Variants in COL19A1 observed in about 807,000 individuals in gnomAD.
COL19A1 encodes the protein collagen alpha-1(XIX) chain.
In COL19A1, 159 loss-of-function variants were observed where a neutral mutation model predicts 190.2. The ratio of observed to expected loss-of-function variants is 0.84; its 90% CI spans 0.73 to 0.95. The LOEUF (loss-of-function observed/expected upper bound fraction) is 0.95, where lower values mean the gene tolerates loss of function less well. COL19A1 is among the 40% of genes least tolerant of loss of function. The pLI, the probability that COL19A1 is intolerant of heterozygous loss-of-function variation, is 0.00. For synonymous variants in COL19A1, 509 were observed against 458.9 expected (o/e 1.11, Z -1.39); for missense variants, 1,418 against 1,431.9 (o/e 0.99, Z 0.16).
At chr6:69,892,552 T>C (rs1769426880) in intron 2 of COL19A1, among the ~76,000 whole-genome samples, 2 of 152,222 alleles carry the variant, frequency 1.3e-5, no homozygotes, top group Non-Finnish European at 2.9e-5. Flanking sequence ...CATAGGTTTT[T>C]TGGATTGGCT....
chr6:70,120,232 A>G (rs1244398717), intron 16 of COL19A1, among the ~76,000 whole-genome samples: 3 of 152,358 alleles, frequency 2.0e-5, no homozygotes, highest in South Asian at 4.1e-4. Context: ...TTGAATATGT[A>G]TGAAGTTAAA....
intron 9 of COL19A1, among the ~76,000 whole-genome samples, chr6:69,948,073 G>A (rs1375941141): frequency 6.6e-6 from 1 of 151,734 alleles, no homozygotes; most frequent in African/African-American, 2.4e-5. Flanking sequence ...ATCACCTAAA[G>A]AGATGCCCCA....
intron 15 of COL19A1, among the ~76,000 whole-genome samples, chr6:70,093,953 G>A (rs936004644): frequency 1.3e-5 from 2 of 152,090 alleles, no homozygotes; most frequent in African/African-American, 4.8e-5. Context: ...CCTCAATAAT[G>A]TTCATCTTTC....
intron 9 of COL19A1, among the ~76,000 whole-genome samples, chr6:69,948,831 A>G (rs1289271117): frequency 1.3e-5 from 2 of 151,822 alleles, no homozygotes; most frequent in Non-Finnish European, 2.9e-5. Context: ...TTCAGTGAAT[A>G]TAAAGGAAAA....
At chr6:69,972,037 A>C (rs1775457675) in intron 11 of COL19A1, among the ~76,000 whole-genome samples, 1 of 152,158 alleles carries the variant, frequency 6.6e-6, no homozygotes, top group African/African-American at 2.4e-5. Context: ...CTCTTCCCAC[A>C]TTCCCCTTTT....
chr6:69,931,504 A>G (rs570171191), intron 6 of COL19A1, among the ~76,000 whole-genome samples: 1 of 152,276 alleles, frequency 6.6e-6, no homozygotes, highest in East Asian at 1.9e-4. Flanking sequence ...GGATTTCAAT[A>G]TTTATTGACT....
At chr6:70,126,598 T>C (rs1727520841) in intron 17 of COL19A1, among the ~76,000 whole-genome samples, 1 of 152,250 alleles carries the variant, frequency 6.6e-6, no homozygotes, top group Admixed American at 6.5e-5. Context: ...GAGGTTCGGC[T>C]TTGAGCCAGC....
chr6:70,034,395 A>G, intron 13 of COL19A1, 97 bp downstream of exon 13: 1 of 896,620 alleles, frequency 1.1e-6, no homozygotes, highest in East Asian at 2.4e-5. Flanking sequence ...TCCTAAAAGC[A>G]TTCTAAAATT....
At chr6:70,081,440 G>T (rs980708343) in intron 15 of COL19A1, among the ~76,000 whole-genome samples, 1 of 151,948 alleles carries the variant, frequency 6.6e-6, no homozygotes, top group Non-Finnish European at 1.5e-5. Flanking sequence ...AACTTTCTCA[G>T]ATTTTATTAC....
chr6:70,091,998 C>T (rs1450658802), intron 15 of COL19A1, among the ~76,000 whole-genome samples: 1 of 151,996 alleles, frequency 6.6e-6, no homozygotes, highest in African/African-American at 2.4e-5. Flanking sequence ...ATAGTATGTC[C>T]CAAGTGTTCA....
At chr6:70,055,493 A>T (rs779224132) in intron 14 of COL19A1, among the ~76,000 whole-genome samples, 1 of 152,004 alleles carries the variant, frequency 6.6e-6, no homozygotes, top group East Asian at 1.9e-4. Context: ...AAATGTTCAC[A>T]TTTTTTGGCG....
At chr6:70,042,886 A>G (rs1363405972) in intron 14 of COL19A1, among the ~76,000 whole-genome samples, 1 of 152,172 alleles carries the variant, frequency 6.6e-6, no homozygotes, top group Non-Finnish European at 1.5e-5. Flanking sequence ...CACTTATTCA[A>G]GCTTACCATG....
chr6:70,128,369 A>G (rs1785326080), intron 17 of COL19A1, among the ~76,000 whole-genome samples: 1 of 152,180 alleles, frequency 6.6e-6, no homozygotes, highest in Non-Finnish European at 1.5e-5. Context: ...CAAAGAAGAA[A>G]ATCCTGAGGA....
chr6:69,973,598 T>TA (rs995503583), intron 11 of COL19A1, among the ~76,000 whole-genome samples: 1 of 147,868 alleles, frequency 6.8e-6, no homozygotes, highest in East Asian at 2.0e-4. Context: ...TTTTAATGTA[T>TA]AAAAAAAAGA....
intron 16 of COL19A1, among the ~76,000 whole-genome samples, chr6:70,104,168 A>G (rs1783809792): frequency 6.6e-6 from 1 of 152,006 alleles, no homozygotes; most frequent in Non-Finnish European, 1.5e-5. Flanking sequence ...ACATTGGGGG[A>G]ATGAGGGGGT....
chr6:69,975,963 C>T (rs574394748), intron 11 of COL19A1, among the ~76,000 whole-genome samples: 6 of 152,310 alleles, frequency 3.9e-5, no homozygotes, highest in African/African-American at 1.2e-4. Context: ...AAACCAAACT[C>T]ATAACACATG....
At chr6:70,102,271 T>C (rs762195294) in intron 16 of COL19A1, 49 bp downstream of exon 16, 1 of 1,320,086 alleles carries the variant, frequency 7.6e-7, no homozygotes, top group South Asian at 1.2e-5. Flanking sequence ...TGTCTTTATG[T>C]CTGTGTGTTT....
At chr6:70,009,406 G>T (rs1489364919) in intron 11 of COL19A1, among the ~76,000 whole-genome samples, 1 of 151,992 alleles carries the variant, frequency 6.6e-6, no homozygotes, top group Admixed American at 6.6e-5. Context: ...TATTTATGGT[G>T]ATGACCTGTA....
At chr6:70,063,522 G>C (rs1354149942) in intron 14 of COL19A1, among the ~76,000 whole-genome samples, 1 of 152,034 alleles carries the variant, frequency 6.6e-6, no homozygotes, top group Non-Finnish European at 1.5e-5. Context: ...GCCCACAAGA[G>C]AAAGCAGGAA....
Sources: allele counts gnomAD v4.1 joint callset (sites outside exome capture counted in the v4.1 genomes callset), GRCh38; gene constraint gnomAD v4.1.1; transcripts MANE v1.5; gene names NCBI Gene and HGNC (gene_info 2026-07-23, HGNC 2026-07-21).